Variants in SLC28A1 observed in about 807,000 individuals in gnomAD.
SLC28A1 encodes the protein sodium/nucleoside cotransporter 1.
SLC28A1 carries 64 observed loss-of-function variants against 74.8 expected under a neutral mutation model. The ratio of observed to expected loss-of-function variants is 0.86; its 90% CI spans 0.70 to 1.05. The LOEUF (loss-of-function observed/expected upper bound fraction) is 1.05. SLC28A1 is among the 50% of genes least tolerant of loss of function. The probability of loss-of-function intolerance (pLI) is 0.00; values close to 1 mark genes in which losing one functional copy is unlikely to be tolerated. For missense variants in SLC28A1, 828 were observed against 822.8 expected, an observed-to-expected ratio of 1.01 and a Z score of -0.08; for synonymous variants, 359 against 335.0, an observed-to-expected ratio of 1.07 and a Z score of -0.78.
At position 84,904,224 on chromosome 15, in the gene SLC28A1, A is replaced by T; in HGVS notation, c.589A>T (p.Lys197Ter). ...VFVALLFACS[K>*]HHCAVSWRAV... The stretch of plus-strand genomic sequence containing the variant: ...CGTCGCTCTCCTCTTTGCCTGCTCA[A>T]AGCATCATTGCGCAGTGAGTGCTAG... The change falls in exon 7 of 19, where the codon AAG (lysine) becomes TAG (stop). Residue 197 changes from lysine to a stop codon, truncating the protein, a stop_gained. Transcript: ENST00000394573. LOFTEE classifies it high-confidence loss of function. 2 of 1,613,988 alleles carry T rather than the reference A, an allele frequency of 1.2e-6. No homozygotes were observed. Among genetic ancestry groups the T allele is most frequent in the East Asian group, 4.5e-5 (2 of 44,874 alleles).
chr15:84,888,710 G>C, intron 3 of SLC28A1, 62 bp from the exon 4 acceptor site: 1 of 1,233,176 alleles, frequency 8.1e-7, no homozygotes, highest in Non-Finnish European at 1.2e-6. Context: ...CCGACCCCCA[G>C]CTGTAAGTTC....
At chr15:84,899,406 C>T (rs1966359191) in intron 6 of SLC28A1, among the ~76,000 whole-genome samples, 1 of 151,756 alleles carries the variant, frequency 6.6e-6, no homozygotes, top group African/African-American at 2.4e-5. Context: ...AATTGGACAC[C>T]CAAAGATTAA....
intron 15 of SLC28A1, among the ~76,000 whole-genome samples, chr15:84,937,758 G>T (rs1324432402): frequency 1.3e-5 from 2 of 151,662 alleles, no homozygotes; most frequent in Non-Finnish European, 2.9e-5. Flanking sequence ...AAAAATCAGT[G>T]GTTGTGTTGG....
intron 6 of SLC28A1, among the ~76,000 whole-genome samples, chr15:84,899,967 A>AAGGAAGGAAGGAAGGAAG (rs1567130013): frequency 1.8e-5 from 1 of 54,812 alleles, no homozygotes; most frequent in Non-Finnish European, 5.4e-5. Flanking sequence ...AAGGAAGGAA[A>AAGGAAGGAAGGAAGGAAG]GAAGGAAGGA....
At chr15:84,895,387 G>A (rs141799643) in intron 6 of SLC28A1, 86 of 1,613,910 alleles carry the variant, frequency 5.3e-5, no homozygotes, top group Middle Eastern at 1.7e-4. Flanking sequence ...GGGATCCCAG[G>A]CCATGGAGCA....
At chr15:84,893,686 G>T (rs1012694877) in intron 5 of SLC28A1, among the ~76,000 whole-genome samples, 2 of 152,124 alleles carry the variant, frequency 1.3e-5, no homozygotes, top group African/African-American at 4.8e-5. Flanking sequence ...TCTCCATGGT[G>T]GGCTCATTCT....
At chr15:84,944,447 C>T in intron 16 of SLC28A1, 119 bp from the exon 17 acceptor site, 2 of 744,678 alleles carry the variant, frequency 2.7e-6, no homozygotes, top group South Asian at 2.9e-5. Flanking sequence ...CAACATCTGT[C>T]CCTCTGGCCA....
intron 11 of SLC28A1, among the ~76,000 whole-genome samples, chr15:84,922,499 C>G (rs1969948344): frequency 6.6e-6 from 1 of 152,166 alleles, no homozygotes; most frequent in Admixed American, 6.5e-5. Context: ...CACAGCGCTG[C>G]CTCTGTGGCC....
chr15:84,897,239 G>A (rs1412339815), intron 6 of SLC28A1, among the ~76,000 whole-genome samples: 1 of 104,950 alleles, frequency 9.5e-6, no homozygotes, highest in East Asian at 2.5e-4. Context: ...AAAAAAAAAT[G>A]GCTGAGTGTG....
chr15:84,945,510 A>C lies in SLC28A1; in HGVS notation c.*310A>C. 1 of 399,008 alleles carries C rather than the reference A, an allele frequency of 2.5e-6. No individual in the cohort carries two copies. Among genetic ancestry groups the C allele is most frequent in the Non-Finnish European group, 4.7e-6 (1 of 210,676 alleles). 24.7% of individuals were successfully genotyped at this position (399,008 alleles called of 1,614,324 possible). A position where few individuals can be genotyped will look rare whatever the true frequency, so the allele number is the denominator to read the frequency against. On this transcript the variant is annotated 3_prime_UTR_variant, in exon 19 of 19. Transcript: ENST00000394573. Reference sequence around the variant, plus strand: ...TCCAAACAGCACCCTGGTCCTCTCTATCCCCCCTCTCCTGGGGTCCCTCAC... The same window carrying C: ...TCCAAACAGCACCCTGGTCCTCTCTCTCCCCCCTCTCCTGGGGTCCCTCAC...
At chr15:84,909,827 A>G (rs1377089064) in intron 9 of SLC28A1, among the ~76,000 whole-genome samples, 1 of 152,244 alleles carries the variant, frequency 6.6e-6, no homozygotes, top group Non-Finnish European at 1.5e-5. Context: ...CGCCATCACC[A>G]TGGAGCTGCT....
intron 12 of SLC28A1, among the ~76,000 whole-genome samples, 158 bp downstream of exon 12, chr15:84,924,268 G>C (rs889584100): frequency 1.3e-5 from 2 of 151,902 alleles, no homozygotes; most frequent in Non-Finnish European, 2.9e-5. Flanking sequence ...CAGTGGGCTG[G>C]ACCATTTGCT....
chr15:84,946,106 ATATATATTTTT>A (rs1213438380), downstream of SLC28A1, among the ~76,000 whole-genome samples: 1 of 11,358 alleles, frequency 8.8e-5, no homozygotes, highest in African/African-American at 3.0e-4. Flanking sequence ...ATATATATAT[ATATATATTTTT>A]TTTTTTTTTT....
intron 2 of SLC28A1, 123 bp from the exon 3 acceptor site, chr15:84,887,622 G>T: frequency 6.5e-7 from 1 of 1,540,432 alleles, no homozygotes. Flanking sequence ...CCCCCAGGCA[G>T]GGCTCTGGCT....
At chr15:84,935,945 G>C (rs8031136) in intron 15 of SLC28A1, among the ~76,000 whole-genome samples, 2 of 85,926 alleles carry the variant, frequency 2.3e-5, no homozygotes, top group African/African-American at 4.4e-5. Context: ...TTTTGGTTTG[G>C]TTTTTGTTTT....
downstream of SLC28A1, among the ~76,000 whole-genome samples, chr15:84,946,140 A>G (rs1287879553): frequency 4.4e-5 from 1 of 22,912 alleles, no homozygotes; most frequent in African/African-American, 2.0e-4. Context: ...TTTTTGGTAG[A>G]GATGAGGTCT....
chr15:84,946,108 A>T (rs1437553661), downstream of SLC28A1, among the ~76,000 whole-genome samples: 445 of 11,046 alleles, frequency 0.04, 24 homozygotes, highest in African/African-American at 0.11. Context: ...ATATATATAT[A>T]TATATTTTTT....
chr15:84,915,361 A>G (rs1014227618), intron 9 of SLC28A1, among the ~76,000 whole-genome samples: 2 of 152,166 alleles, frequency 1.3e-5, no homozygotes, highest in Non-Finnish European at 2.9e-5. Context: ...CCCGGGCAGA[A>G]TCTCCATTCT....
chr15:84,896,818 C>T (rs1366413502), intron 6 of SLC28A1, among the ~76,000 whole-genome samples: 1 of 152,122 alleles, frequency 6.6e-6, no homozygotes, highest in African/African-American at 2.4e-5. Flanking sequence ...TTGATAAATA[C>T]TGCAATAATG....
Sources: gnomAD v4.1 joint callset for allele counts (sites outside exome capture counted in the v4.1 genomes callset) on GRCh38, gnomAD v4.1.1 for gene constraint, MANE v1.5 for transcripts, NCBI Gene and HGNC (gene_info 2026-07-23, HGNC 2026-07-21) for gene names.